The following PPP1R1C variants were observed in gnomAD, a reference collection of about 807,000 sequenced individuals.
The protein encoded by PPP1R1C is protein phosphatase 1 regulatory subunit 1C.
Under a neutral mutation model 17.4 loss-of-function variants are expected in PPP1R1C, and 15 were observed. That is an observed-to-expected ratio of 0.86 (90% confidence interval 0.58 to 1.33). The LOEUF (loss-of-function observed/expected upper bound fraction) is 1.33. Ranked by LOEUF, PPP1R1C falls within the 40% of genes most tolerant of loss-of-function variation. The pLI is 0.00. For synonymous variants in PPP1R1C, 35 were observed against 43.1 expected (o/e 0.81, Z 0.73); for missense variants, 143 against 130.0 (o/e 1.10, Z -0.48).
intron 2 of PPP1R1C, among the ~76,000 whole-genome samples, chr2:182,028,347 T>C (rs1166839565): frequency 2.0e-5 from 3 of 148,192 alleles, no homozygotes; most frequent in Non-Finnish European, 3.0e-5. Flanking sequence ...TTGTGGGCAT[T>C]TAGTGCTATA....
chr2:182,101,873 T>C (rs1439918638), intron 4 of PPP1R1C, among the ~76,000 whole-genome samples: 1 of 152,150 alleles, frequency 6.6e-6, no homozygotes, highest in Non-Finnish European at 1.5e-5. Context: ...GGGAGGAGAC[T>C]AGAAGAGAGC....
At chr2:182,131,336 CATAAAATG>C (rs1234103324), downstream of PPP1R1C, 2 of 151,812 alleles carry the variant, frequency 1.3e-5, no homozygotes, top group Admixed American at 6.6e-5. Flanking sequence ...TATGTATATT[CATAAAATG>C]TTTTGCTGTA....
intron 4 of PPP1R1C, among the ~76,000 whole-genome samples, chr2:182,097,400 A>G (rs1397278379): frequency 6.6e-6 from 1 of 152,226 alleles, no homozygotes; most frequent in Non-Finnish European, 1.5e-5. Flanking sequence ...TATAGAAAAC[A>G]TAAGTATTGG....
intron 2 of PPP1R1C, among the ~76,000 whole-genome samples, chr2:182,059,291 A>G (rs1463574169): frequency 6.6e-6 from 1 of 152,142 alleles, no homozygotes; most frequent in African/African-American, 2.4e-5. Flanking sequence ...TCTTTCAGAA[A>G]ATTTATAGTT....
intron 2 of PPP1R1C, among the ~76,000 whole-genome samples, chr2:182,030,278 G>A (rs1185164696): frequency 6.6e-6 from 1 of 152,208 alleles, no homozygotes; most frequent in Non-Finnish European, 1.5e-5. Context: ...CTTTGGAGGA[G>A]GAGAGGCACT....
At chr2:182,059,672 C>G (rs1259809528) in intron 2 of PPP1R1C, among the ~76,000 whole-genome samples, 1 of 151,880 alleles carries the variant, frequency 6.6e-6, no homozygotes, top group Admixed American at 6.6e-5. Flanking sequence ...TTTTTTTAAT[C>G]CTTGCCTTCA....
At chr2:181,981,402 A>T (rs1457424903), upstream of PPP1R1C, among the ~76,000 whole-genome samples, 3 of 152,218 alleles carry the variant, frequency 2.0e-5, no homozygotes, top group Admixed American at 6.5e-5. Context: ...AAGGCTTCTT[A>T]TAGCTGTAGA....
rs117426730 is a variant in PPP1R1C at position 182,042,586 on chromosome 2, A to C, written c.143-18856A>C. Among the ~76,000 whole-genome samples, 28 of 152,306 alleles carry C rather than the reference A, an allele frequency of 1.8e-4. No individual in the cohort carries two copies. The East Asian group carries it at 5.2e-3, about 28-fold the overall frequency. On this transcript the variant is annotated intron_variant, in intron 2 of 4. Coordinates refer to ENST00000682840, the MANE Select transcript of PPP1R1C (RefSeq NM_001080545.3). The stretch of plus-strand genomic sequence containing the variant: ...CCCCAAGAGCATTAACTTCACCTGC[A>C]TTTGATTCTTCTAGGGTCAGAGAAT...
intron 3 of PPP1R1C, among the ~76,000 whole-genome samples, chr2:182,062,555 A>G (rs1285797079): frequency 3.3e-5 from 5 of 152,122 alleles, no homozygotes; most frequent in Non-Finnish European, 7.4e-5. Flanking sequence ...CATAGTATGT[A>G]GGTATCACAA....
At position 182,117,491 on chromosome 2, in the gene PPP1R1C, TATA is replaced by T. The variant is rs1159867540; in HGVS notation, c.*199_*201del. 3 of 469,638 alleles carry T rather than the reference TATA, an allele frequency of 6.4e-6. No homozygotes were observed. Among genetic ancestry groups the T allele is most frequent in the Non-Finnish European group, 1.1e-5 (3 of 261,198 alleles). 29.1% of individuals were successfully genotyped at this position (469,638 alleles called of 1,614,324 possible). A position where few individuals can be genotyped will look rare whatever the true frequency, so the allele number is the denominator to read the frequency against. On this transcript the variant is annotated 3_prime_UTR_variant, in exon 5 of 5. Transcript: ENST00000682840. ...TAAGTACACATTGTTCCACATCACT[TATA>T]ATTAAAGAATAAGCATTTATTTTAC...
intron 2 of PPP1R1C, among the ~76,000 whole-genome samples, chr2:182,056,394 A>G (rs1221711495): frequency 2.0e-5 from 3 of 152,196 alleles, no homozygotes; most frequent in Non-Finnish European, 4.4e-5. Flanking sequence ...CTGTGGCTCT[A>G]TCTTTTTAGT....
At chr2:182,120,160 A>G (rs558091150), downstream of PPP1R1C, among the ~76,000 whole-genome samples, 2,052 of 152,270 alleles carry the variant, frequency 0.013, 158 homozygotes, top group Admixed American at 0.13. Flanking sequence ...TTATTAAATA[A>G]GGAATCCTTT....
At chr2:182,002,927 ACCT>A (rs1559052177) in intron 2 of PPP1R1C, among the ~76,000 whole-genome samples, 4 of 90,916 alleles carry the variant, frequency 4.4e-5, no homozygotes, top group Non-Finnish European at 6.7e-5. Flanking sequence ...GATGCCATAA[ACCT>A]CCCCCCCCCC....
rs543767696 is a variant in PPP1R1C at position 182,056,819 on chromosome 2, T to G, written c.143-4623T>G. Among the ~76,000 whole-genome samples, 137 of 152,294 alleles carry G rather than the reference T, an allele frequency of 9.0e-4. 1 individual carries two copies. Among genetic ancestry groups the G allele is most frequent in the Non-Finnish European group, 8.5e-4 (58 of 68,012 alleles). On this transcript the variant is annotated intron_variant, in intron 2 of 4. Coordinates refer to ENST00000682840, the MANE Select transcript of PPP1R1C (RefSeq NM_001080545.3). ...ATACATATTGTACTTGAAATAGATA[T>G]CTTCTCAATCTCTAGAAACCAACAG...
chr2:182,128,075 T>C (rs1268647166), intron 5 of PPP1R1C, among the ~76,000 whole-genome samples: 2 of 152,124 alleles, frequency 1.3e-5, no homozygotes, highest in African/African-American at 2.4e-5. Context: ...ACCAAAATTC[T>C]AGTTCATTAT....
intron 2 of PPP1R1C, among the ~76,000 whole-genome samples, chr2:181,993,728 T>A (rs939898629): frequency 7.9e-5 from 12 of 152,210 alleles, no homozygotes; most frequent in Non-Finnish European, 1.5e-4. Context: ...CAGTGATTCA[T>A]GTACTGTACA....
At chr2:182,022,776 A>G (rs1418914069) in intron 2 of PPP1R1C, among the ~76,000 whole-genome samples, 1 of 152,228 alleles carries the variant, frequency 6.6e-6, no homozygotes, top group East Asian at 1.9e-4. Flanking sequence ...TGAGAAGAAT[A>G]AGTGTATCTC....
intron 2 of PPP1R1C, among the ~76,000 whole-genome samples, chr2:182,005,636 C>T (rs183294213): frequency 8.8e-4 from 134 of 152,268 alleles, no homozygotes; most frequent in Non-Finnish European, 1.4e-3. Flanking sequence ...AACATAAACA[C>T]ATATTTTGCA....
chr2:182,111,776 C>T (rs1689445196), intron 4 of PPP1R1C, among the ~76,000 whole-genome samples: 1 of 151,418 alleles, frequency 6.6e-6, no homozygotes, highest in Non-Finnish European at 1.5e-5. Context: ...AAATTATATT[C>T]CTAGCATTAT....
Sources: gnomAD v4.1 joint callset for allele counts (sites outside exome capture counted in the v4.1 genomes callset) on GRCh38, gnomAD v4.1.1 for gene constraint, MANE v1.5 for transcripts, NCBI Gene and HGNC (gene_info 2026-07-23, HGNC 2026-07-21) for gene names.